Variants in HELLS observed in about 807,000 individuals in gnomAD.
HELLS encodes lymphoid-specific helicase.
In HELLS, 32 loss-of-function variants were observed where a neutral mutation model predicts 120.0. That is an observed-to-expected ratio of 0.27 (90% CI 0.20 to 0.36). The LOEUF is 0.36. HELLS is among the 10% of genes least tolerant of loss of function. The pLI, the probability that HELLS is intolerant of heterozygous loss-of-function variation, is 1.00. For synonymous variants in HELLS, 341 were observed against 323.4 expected (o/e 1.05, Z -0.58); for missense variants, 650 against 993.4 (o/e 0.65, Z 4.65).
chr10:94,546,091 A>AACC, intron 1 of HELLS, 139 bp downstream of exon 1: 1 of 1,022,100 alleles, frequency 9.8e-7, no homozygotes, highest in Non-Finnish European at 1.5e-6. Context: ...GGGAAACTGC[A>AACC]ACGGTGAGTG....
Position 94,564,288 on chromosome 10 carries a change from A to G in HELLS, c.435+1412A>G, listed in dbSNP as rs577190499. Among the ~76,000 whole-genome samples, 4 of 152,264 alleles carry G rather than the reference A, an allele frequency of 2.6e-5. No homozygotes were observed. In the East Asian group the frequency reaches 7.7e-4, roughly 29 times the overall value. On this transcript the variant is annotated intron_variant, in intron 6 of 21. Transcript: ENST00000348459. Reference sequence around the variant, plus strand: ...TATATGTTGCGGAGAGTTGGGGGGAAAGGGTAGGGTAGTAAAGACACTGTC... The same window carrying G: ...TATATGTTGCGGAGAGTTGGGGGGAGAGGGTAGGGTAGTAAAGACACTGTC...
chr10:94,559,130 C>T (rs1359872718), intron 4 of HELLS, among the ~76,000 whole-genome samples: 4 of 152,142 alleles, frequency 2.6e-5, no homozygotes, highest in Non-Finnish European at 4.4e-5. Context: ...GAATTTTAGT[C>T]CTCCAATACA....
chr10:94,546,124 T>A (rs893615471), intron 1 of HELLS, among the ~76,000 whole-genome samples, 172 bp downstream of exon 1: 1 of 152,142 alleles, frequency 6.6e-6, no homozygotes, highest in Admixed American at 6.5e-5. Context: ...GAATCGCACG[T>A]ATTAGCATGC....
intron 2 of HELLS, 140 bp from the exon 3 acceptor site, chr10:94,553,986 C>G: frequency 1.7e-6 from 1 of 572,660 alleles, no homozygotes; most frequent in Non-Finnish European, 3.0e-6. Context: ...TTTTTTTTAA[C>G]AGTTATTTGT....
chr10:94,553,252 CTT>C (rs773880491), intron 2 of HELLS, among the ~76,000 whole-genome samples: 4 of 144,712 alleles, frequency 2.8e-5, no homozygotes, highest in Non-Finnish European at 3.1e-5. Context: ...TTACACATAC[CTT>C]TTTTTTTTTT....
At position 94,554,189 on chromosome 10, in the gene HELLS, GA is replaced by G; in HGVS notation, c.223del (p.Ser75AlafsTer9). 6.3e-7 allele frequency: 1 copy of G among 1,579,938 alleles called. No homozygotes were observed. Among genetic ancestry groups the G allele is most frequent in the African/African-American group, 1.4e-5 (1 of 73,034 alleles). The part of the protein sequence containing the change: ...IRYRRLQHLL[E>X]KSNIYSKFLL... ...GTACCGTAGACTTCAACATTTGCTT[GA>G]AAAAAGCAATATATACTCCAAATTT... On this transcript the variant is annotated frameshift_variant, in exon 3 of 22. Transcript: ENST00000348459. LOFTEE classifies it high-confidence loss of function.
chr10:94,548,132 T>G (rs1842825707), intron 2 of HELLS, among the ~76,000 whole-genome samples: 1 of 152,212 alleles, frequency 6.6e-6, no homozygotes, highest in Non-Finnish European at 1.5e-5. Context: ...TGAGGGTGCA[T>G]CACTTGCTGT....
At chr10:94,609,914 T>C (rs1489196073) in exon 10 of HELLS, 1 of 152,240 alleles carries the variant, frequency 6.6e-6, no homozygotes, top group Non-Finnish European at 1.5e-5. Context: ...ACAGGTTTAA[T>C]CTTTTTCTTG....
chr10:94,613,878 G>A (rs539560675), exon 10 of HELLS: 30 of 152,238 alleles, frequency 2.0e-4, no homozygotes, highest in African/African-American at 7.0e-4. Context: ...ATGTTTTCCT[G>A]TTTAATAAAT....
rs1208638571 is a variant in HELLS at position 94,608,309 on chromosome 10, C to T, written c.*1+283C>T. ...GTCCTTTTTAGAAATCTTACATATC[C>T]TTTAGCCTAATTATAGATTGGCCCT... On this transcript the variant is annotated intron_variant, in intron 9 of 9. Transcript: ENST00000371327. 2.0e-5 allele frequency among the ~76,000 whole-genome samples: 3 copies of T among 152,136 alleles called. No homozygotes were observed. In the East Asian group the frequency reaches 5.8e-4, roughly 29 times the overall value.
rs746219622 is a variant in HELLS, at chr10:94,596,810, T to G, written c.2249-50T>G. ...TGTGATTGGTTTGTAATATGTTGTA[T>G]TGTAGTTTTAAAAGGAATTTTAATG... On this transcript the variant is annotated intron_variant, in intron 19 of 21. Transcript: ENST00000348459. 17 of 932,812 alleles carry G rather than the reference T, an allele frequency of 1.8e-5. No homozygotes were observed. In the East Asian group the frequency reaches 4.1e-4, roughly 22 times the overall value. 57.8% of individuals were successfully genotyped at this position (932,812 alleles called of 1,614,324 possible).
chr10:94,606,455 A>G (rs1350745501), downstream of HELLS, among the ~76,000 whole-genome samples: 1 of 151,412 alleles, frequency 6.6e-6, no homozygotes, highest in East Asian at 2.0e-4. Context: ...CCATCTTCCC[A>G]TCTCAGCTTT....
At position 94,593,595 on chromosome 10, in the gene HELLS, A is replaced by T. The variant is rs1215869973; in HGVS notation, c.2068A>T (p.Ile690Phe). Residue 690 changes from isoleucine (I) to phenylalanine (F), a missense_variant, in exon 18 of 22, where the codon ATC becomes TTC. Around this residue, in one of 9 missense-constraint regions of HELLS, gnomAD observed 22 missense variants for 78.2 expected, o/e 0.28. Coordinates refer to ENST00000348459, the MANE Select transcript of HELLS (RefSeq NM_018063.5). ...TAATCTGACTGCAGCAGATACAGTTATCATTTATGATAGTGATTGGGTAAG... is the reference window on the plus strand; with the variant it reads ...TAATCTGACTGCAGCAGATACAGTTTTCATTTATGATAGTGATTGGGTAAG... ...GINLTAADTV[I>F]IYDSDWNPQS... 1.9e-6 allele frequency: 3 copies of T among 1,592,082 alleles called. No individual in the cohort carries two copies. Among genetic ancestry groups the T allele is most frequent in the Non-Finnish European group, 2.6e-6 (3 of 1,160,132 alleles).
chr10:94,584,782 T>C (rs543855617), intron 12 of HELLS, among the ~76,000 whole-genome samples: 1 of 152,272 alleles, frequency 6.6e-6, no homozygotes, highest in Non-Finnish European at 1.5e-5. Flanking sequence ...AACTTCAGAT[T>C]TCCATTAATA....
chr10:94,565,870 G>A (rs1036826769), intron 6 of HELLS, among the ~76,000 whole-genome samples: 2 of 151,966 alleles, frequency 1.3e-5, no homozygotes, highest in Non-Finnish European at 2.9e-5. Flanking sequence ...TACAGAGAGA[G>A]ATATAGGAGT....
At chr10:94,592,923 A>G (rs1251457176) in intron 17 of HELLS, among the ~76,000 whole-genome samples, 3 of 152,062 alleles carry the variant, frequency 2.0e-5, no homozygotes, top group Non-Finnish European at 4.4e-5. Flanking sequence ...ATTTCCTGTA[A>G]TAGCAGCCTT....
chr10:94,608,054 C>T (rs1038528048), intron 9 of HELLS: 1 of 205,934 alleles, frequency 4.9e-6, no homozygotes, highest in African/African-American at 2.4e-5. Flanking sequence ...GCCTACAAAG[C>T]CCTAATTTTT....
intron 2 of HELLS, among the ~76,000 whole-genome samples, chr10:94,553,905 A>G (rs537985387): frequency 6.6e-6 from 1 of 152,256 alleles, no homozygotes; most frequent in Non-Finnish European, 1.5e-5. Context: ...CATGTGTTCA[A>G]TATTTGAAAT....
At position 94,586,986 on chromosome 10, in the gene HELLS, C is replaced by T. The variant is rs527369591; in HGVS notation, c.1327-1243C>T. ...CTGGGATTACAGGTGTGAGCTACTG[C>T]GTCCGACCTAGAGTATACAATGATT... On this transcript the variant is annotated intron_variant, in intron 12 of 21. Coordinates refer to ENST00000348459, the MANE Select transcript of HELLS (RefSeq NM_018063.5). Among the ~76,000 whole-genome samples, 84 of 152,184 alleles carry T rather than the reference C, an allele frequency of 5.5e-4. 1 individual carries two copies. Among genetic ancestry groups the T allele is most frequent in the African/African-American group, 1.9e-3 (79 of 41,510 alleles).
Sources: allele counts gnomAD v4.1 joint callset (sites outside exome capture counted in the v4.1 genomes callset), GRCh38; gene constraint gnomAD v4.1.1; regional missense constraint gnomAD v4.1.1; transcripts MANE v1.5; gene names NCBI Gene and HGNC (gene_info 2026-07-23, HGNC 2026-07-21).